The following COL4A5 variants were observed in gnomAD, a reference collection of about 807,000 sequenced individuals.
COL4A5 encodes collagen alpha-5(IV) chain.
Under a neutral mutation model 130.2 loss-of-function variants are expected in COL4A5, and 26 were observed. The observed-to-expected ratio is 0.20, with a 90% confidence interval of 0.15 to 0.28. The LOEUF is 0.28. Ranked by LOEUF, COL4A5 falls within the 10% of genes least tolerant of loss-of-function variation. The pLI, the probability that COL4A5 is intolerant of heterozygous loss-of-function variation, is 1.00. For missense variants in COL4A5, 1,131 were observed against 1,344.3 expected (o/e 0.84, Z 2.48); for synonymous variants, 496 against 439.6 (o/e 1.13, Z -1.60).
intron 2 of COL4A5, among the ~76,000 whole-genome samples, chrX:108,549,963 C>T (rs2065726009): frequency 9.0e-6 from 1 of 111,115 alleles, no homozygotes; most frequent in Non-Finnish European, 1.9e-5. Context: ...AAAACAAAAA[C>T]AAATAAATGC....
At chrX:108,571,661 A>T in intron 7 of COL4A5, 150 bp from the exon 8 acceptor site, 2 of 567,764 alleles carry the variant, frequency 3.5e-6, no homozygotes, top group Non-Finnish European at 6.0e-6. Flanking sequence ...TATGTATATA[A>T]ATGTCACCTC....
intron 49 of COL4A5, chrX:108,689,799 TG>T (rs903350161): frequency 3.5e-5 from 26 of 753,013 alleles, no homozygotes; most frequent in Non-Finnish European, 6.3e-6. Context: ...CTTTTCTGTC[TG>T]GGAGAAAAGA....
chrX:108,595,970 G>A (rs188710905), intron 22 of COL4A5, among the ~76,000 whole-genome samples: 102 of 111,661 alleles, frequency 9.1e-4, no homozygotes, highest in African/African-American at 3.2e-3. Context: ...CAGTCACTGG[G>A]GATGTATCAC....
In COL4A5 at chrX:108,544,568, C is replaced by T. The variant is rs767594627; in HGVS notation, c.141+4763C>T. On this transcript the variant is annotated intron_variant, in intron 2 of 52. Transcript: ENST00000328300. ...TCATCAGGGATATTGGTCTAAAATT[C>T]TCTTTTTTGTTGTGTCTCTGCCAGG... Among the ~76,000 whole-genome samples the T allele has an allele frequency of 4.0e-4, 44 of 109,920 alleles. No individual in the cohort carries two copies. The South Asian group carries it at 0.016, about 41-fold the overall frequency.
At chrX:108,613,239 A>G (rs1403926719) in intron 29 of COL4A5, among the ~76,000 whole-genome samples, 1 of 112,010 alleles carries the variant, frequency 8.9e-6, no homozygotes, top group Non-Finnish European at 1.9e-5. Context: ...TTTAGTCTTT[A>G]TGGGCTACAT....
chrX:108,513,144 T>G (rs2065193493), intron 1 of COL4A5, among the ~76,000 whole-genome samples: 1 of 111,221 alleles, frequency 9.0e-6, no homozygotes. Context: ...TAGCTGGGAG[T>G]GGAATTGTTG....
chrX:108,621,787 T>C lies in COL4A5; in HGVS notation c.2678-16T>C, dbSNP rs376960230. 4 of 1,153,734 alleles carry C rather than the reference T, an allele frequency of 3.5e-6. No individual in the cohort carries two copies. Among genetic ancestry groups the C allele is most frequent in the Non-Finnish European group, 4.7e-6 (4 of 844,601 alleles). On this transcript the variant is annotated splice_polypyrimidine_tract_variant and intron_variant, in intron 31 of 52. Coordinates refer to ENST00000328300, the MANE Select transcript of COL4A5 (RefSeq NM_033380.3). ...GTCAAAGAAAGGCAAACATTACTTA[T>C]TGATATTCTTCAAAGGTACCAAAGG...
At chrX:108,445,637 G>A (rs1003740689) in intron 1 of COL4A5, among the ~76,000 whole-genome samples, 1 of 111,520 alleles carries the variant, frequency 9.0e-6, no homozygotes, top group African/African-American at 3.3e-5. Context: ...GCCTCTCCCA[G>A]TTTCGTATCT....
At chrX:108,489,382 A>C (rs1311121041) in intron 1 of COL4A5, among the ~76,000 whole-genome samples, 1 of 111,423 alleles carries the variant, frequency 9.0e-6, no homozygotes, top group Non-Finnish European at 1.9e-5. Flanking sequence ...TGCTTTTGTC[A>C]CTAGATTATG....
chrX:108,695,711 A>G (rs2068722659), intron 52 of COL4A5: 1 of 328,889 alleles, frequency 3.0e-6, no homozygotes, highest in South Asian at 3.7e-5. Context: ...CTTCCTAATA[A>G]GTCAGCAGCT....
chrX:108,617,812 A>G (rs2066958775), intron 30 of COL4A5, among the ~76,000 whole-genome samples: 1 of 111,960 alleles, frequency 8.9e-6, no homozygotes, highest in African/African-American at 3.2e-5. Flanking sequence ...GACAAAGCAT[A>G]TGGCTAAATC....
chrX:108,545,600 G>A (rs1407716276), intron 2 of COL4A5, among the ~76,000 whole-genome samples: 1 of 111,769 alleles, frequency 8.9e-6, no homozygotes, highest in Non-Finnish European at 1.9e-5. Context: ...TTGGGGTGGA[G>A]AGTTCTGTAG....
intron 29 of COL4A5, among the ~76,000 whole-genome samples, chrX:108,611,328 C>T (rs965858508): frequency 2.7e-5 from 3 of 110,766 alleles, no homozygotes; most frequent in Non-Finnish European, 5.7e-5. Context: ...TTGTTCAGGG[C>T]CTTATCTAAG....
intron 2 of COL4A5, among the ~76,000 whole-genome samples, chrX:108,540,790 A>G (rs2065526396): frequency 8.9e-6 from 1 of 112,402 alleles, no homozygotes; most frequent in Non-Finnish European, 1.9e-5. Flanking sequence ...CCTATTGTAC[A>G]GATATTATGA....
chrX:108,567,224 C>T (rs1003131920), intron 4 of COL4A5, among the ~76,000 whole-genome samples: 10 of 111,837 alleles, frequency 8.9e-5, no homozygotes, highest in Non-Finnish European at 1.7e-4. Flanking sequence ...GTTAAGATAC[C>T]ATGTTTGATG....
chrX:108,586,880 C>A, intron 19 of COL4A5, 133 bp downstream of exon 19: 1 of 666,510 alleles, frequency 1.5e-6, no homozygotes, highest in Non-Finnish European at 2.4e-6. Flanking sequence ...AGATACTTCC[C>A]AACTCTTACT....
intron 2 of COL4A5, among the ~76,000 whole-genome samples, chrX:108,545,043 A>ATAGTTT (rs2065623246): frequency 9.0e-6 from 1 of 110,933 alleles, no homozygotes; most frequent in Non-Finnish European, 1.9e-5. Flanking sequence ...AGTTTTATTG[A>ATAGTTT]TCTTTTCAAA....
intron 6 of COL4A5, among the ~76,000 whole-genome samples, chrX:108,570,521 A>G (rs2066047608): frequency 1.8e-5 from 2 of 112,286 alleles, no homozygotes; most frequent in Admixed American, 9.4e-5. Context: ...TTGATTTATT[A>G]TGCATATTTT....
At chrX:108,506,208 A>G (rs1442738377) in intron 1 of COL4A5, among the ~76,000 whole-genome samples, 1 of 111,498 alleles carries the variant, frequency 9.0e-6, no homozygotes, top group African/African-American at 3.3e-5. Flanking sequence ...CAAATTTAGA[A>G]TCAGGCATTC....
Sources: gnomAD v4.1 joint callset for allele counts (sites outside exome capture counted in the v4.1 genomes callset) on GRCh38, gnomAD v4.1.1 for gene constraint, MANE v1.5 for transcripts, NCBI Gene and HGNC (gene_info 2026-07-23, HGNC 2026-07-21) for gene names.